Variants in DYNC1I1 observed in about 807,000 individuals in gnomAD.
The protein encoded by DYNC1I1 is cytoplasmic dynein 1 intermediate chain 1.
In DYNC1I1, 43 loss-of-function variants were observed where a neutral mutation model predicts 86.6. The observed-to-expected ratio is 0.50, with a 90% CI of 0.39 to 0.64. The LOEUF (loss-of-function observed/expected upper bound fraction) is 0.64. Among genes scored for constraint, DYNC1I1 ranks in the 30% least tolerant of loss-of-function variants. The pLI, the probability that DYNC1I1 is intolerant of heterozygous loss-of-function variation, is 0.00. For missense variants in DYNC1I1, 604 were observed against 788.8 expected (o/e 0.77, Z 2.81); for synonymous variants, 262 against 283.7 (o/e 0.92, Z 0.77).
At chr7:95,940,620 A>C (rs1287744978) in intron 6 of DYNC1I1, among the ~76,000 whole-genome samples, 1 of 152,132 alleles carries the variant, frequency 6.6e-6, no homozygotes, top group Non-Finnish European at 1.5e-5. Context: ...TTCTTCACAT[A>C]GTTCTCGAAC....
chr7:95,884,964 A>G (rs1222049863), intron 6 of DYNC1I1, among the ~76,000 whole-genome samples: 2 of 152,226 alleles, frequency 1.3e-5, no homozygotes, highest in African/African-American at 2.4e-5. Context: ...AGTACAATAC[A>G]TGGTATATTA....
chr7:95,872,473 T>C (rs1384022749), intron 6 of DYNC1I1, among the ~76,000 whole-genome samples: 3 of 152,198 alleles, frequency 2.0e-5, no homozygotes, highest in Non-Finnish European at 4.4e-5. Flanking sequence ...TTCAAGTTCT[T>C]ACACATTCCC....
intron 1 of DYNC1I1, among the ~76,000 whole-genome samples, chr7:95,780,660 A>G (rs1348272908): frequency 6.6e-6 from 1 of 152,156 alleles, no homozygotes; most frequent in Non-Finnish European, 1.5e-5. Flanking sequence ...TGAAGACTTC[A>G]CTAATTGTAA....
At chr7:95,889,761 A>T (rs1211937391) in intron 6 of DYNC1I1, among the ~76,000 whole-genome samples, 1 of 152,084 alleles carries the variant, frequency 6.6e-6, no homozygotes, top group African/African-American at 2.4e-5. Context: ...CAACAACAAC[A>T]CCCCATTAAA....
intron 11 of DYNC1I1, among the ~76,000 whole-genome samples, chr7:96,031,019 G>GA (rs1794795895): frequency 6.6e-6 from 1 of 152,086 alleles, no homozygotes. Context: ...AAGACATAGG[G>GA]ACTTAGCTGA....
chr7:96,082,060 G>C (rs1055066549), intron 16 of DYNC1I1, among the ~76,000 whole-genome samples: 1 of 152,152 alleles, frequency 6.6e-6, no homozygotes, highest in African/African-American at 2.4e-5. Context: ...AAATGGTCTG[G>C]TGACTATTGA....
At chr7:95,961,253 G>T (rs562260666) in intron 6 of DYNC1I1, among the ~76,000 whole-genome samples, 1 of 152,112 alleles carries the variant, frequency 6.6e-6, no homozygotes, top group Non-Finnish European at 1.5e-5. Context: ...GAGTCAGCAG[G>T]TCTGATTTCT....
At chr7:95,874,896 C>A (rs942974180) in intron 6 of DYNC1I1, among the ~76,000 whole-genome samples, 6 of 152,258 alleles carry the variant, frequency 3.9e-5, no homozygotes, top group African/African-American at 1.4e-4. Flanking sequence ...CAGCAGCTAA[C>A]ACAGCAAGAT....
chr7:95,898,922 A>T (rs1790961715), intron 6 of DYNC1I1, among the ~76,000 whole-genome samples: 1 of 152,192 alleles, frequency 6.6e-6, no homozygotes, highest in South Asian at 2.1e-4. Context: ...AAATACAACA[A>T]CCTATCCTAT....
chr7:95,850,014 T>C (rs1484032911), intron 5 of DYNC1I1, among the ~76,000 whole-genome samples: 1 of 152,214 alleles, frequency 6.6e-6, no homozygotes, highest in Non-Finnish European at 1.5e-5. Context: ...CTCAGTTCAC[T>C]GTTAGTGTGT....
chr7:96,095,926 G>A (rs949604277), intron 16 of DYNC1I1, among the ~76,000 whole-genome samples: 1 of 152,054 alleles, frequency 6.6e-6, no homozygotes, highest in Non-Finnish European at 1.5e-5. Flanking sequence ...AGACTATTGT[G>A]AACTTGTGTT....
chr7:96,011,951 C>T (rs184575331), intron 10 of DYNC1I1, among the ~76,000 whole-genome samples: 42 of 152,128 alleles, frequency 2.8e-4, no homozygotes, highest in African/African-American at 8.9e-4. Flanking sequence ...TGACACATAC[C>T]GATCAGCATA....
chr7:96,094,524 A>C (rs1346882020), intron 16 of DYNC1I1, among the ~76,000 whole-genome samples: 1 of 152,206 alleles, frequency 6.6e-6, no homozygotes, highest in Non-Finnish European at 1.5e-5. Flanking sequence ...AAGTGAAAAG[A>C]GTGGCCCTGG....
chr7:95,953,838 T>G (rs771946918), intron 6 of DYNC1I1, among the ~76,000 whole-genome samples: 153 of 152,218 alleles, frequency 1.0e-3, no homozygotes, highest in Non-Finnish European at 2.0e-3. Context: ...TCATTCCTGC[T>G]GAGATTTTCC....
intron 5 of DYNC1I1, among the ~76,000 whole-genome samples, chr7:95,859,972 T>C (rs1789833051): frequency 6.6e-6 from 1 of 152,242 alleles, no homozygotes; most frequent in Non-Finnish European, 1.5e-5. Context: ...GTGGGTAATA[T>C]AAAACTGTCC....
chr7:95,842,831 T>G (rs201202558), intron 5 of DYNC1I1, among the ~76,000 whole-genome samples: 2 of 152,212 alleles, frequency 1.3e-5, no homozygotes, highest in East Asian at 1.9e-4. Flanking sequence ...CCTATTCTGT[T>G]TTTTTGCTGA....
chr7:95,952,358 A>G (rs1235105713), intron 6 of DYNC1I1, among the ~76,000 whole-genome samples: 1 of 152,108 alleles, frequency 6.6e-6, no homozygotes. Flanking sequence ...TCCCCTTTGC[A>G]ACTCCCTTCA....
At chr7:95,829,422 T>C (rs1795272648) in intron 5 of DYNC1I1, among the ~76,000 whole-genome samples, 1 of 152,194 alleles carries the variant, frequency 6.6e-6, no homozygotes, top group Non-Finnish European at 1.5e-5. Flanking sequence ...ATATTTCAAT[T>C]TGTATTATTT....
chr7:95,853,674 A>G (rs983793333), intron 5 of DYNC1I1, among the ~76,000 whole-genome samples: 2 of 152,136 alleles, frequency 1.3e-5, no homozygotes, highest in Non-Finnish European at 2.9e-5. Flanking sequence ...TGCTAGGTCT[A>G]TTTGGTCTAT....
Sources: allele counts gnomAD v4.1 joint callset (sites outside exome capture counted in the v4.1 genomes callset), GRCh38; gene constraint gnomAD v4.1.1; transcripts MANE v1.5; gene names NCBI Gene and HGNC (gene_info 2026-07-23, HGNC 2026-07-21).